SLC9A9: variants seen among roughly 807,000 people sequenced by gnomAD.
SLC9A9 encodes solute carrier family 9 member A9.
Under a neutral mutation model 77.8 loss-of-function variants are expected in SLC9A9, and 62 were observed. The observed-to-expected ratio is 0.80, with a 90% CI of 0.65 to 0.98. The LOEUF is 0.98. Among genes scored for constraint, SLC9A9 ranks in the 50% least tolerant of loss-of-function variants. The pLI is 0.00. For synonymous variants in SLC9A9, 320 were observed against 283.5 expected, an observed-to-expected ratio of 1.13 and a Z score of -1.29; for missense variants, 775 against 774.9, an observed-to-expected ratio of 1.00 and a Z score of 0.00.
intron 14 of SLC9A9, among the ~76,000 whole-genome samples, chr3:143,305,648 A>G (rs117794811): frequency 5.5e-4 from 84 of 152,338 alleles, no homozygotes; most frequent in East Asian, 3.9e-3. Context: ...CACAAATACT[A>G]TCATGTGGAA....
chr3:143,531,263 C>T (rs2036506119), intron 9 of SLC9A9, among the ~76,000 whole-genome samples: 1 of 152,142 alleles, frequency 6.6e-6, no homozygotes, highest in African/African-American at 2.4e-5. Flanking sequence ...TCAAATGCTC[C>T]CCTGGCAAGG....
chr3:143,531,924 A>G (rs1309465699), intron 9 of SLC9A9, among the ~76,000 whole-genome samples: 1 of 152,174 alleles, frequency 6.6e-6, no homozygotes, highest in Non-Finnish European at 1.5e-5. Context: ...TTCTCATTCT[A>G]TCCTGAGGAT....
intron 14 of SLC9A9, among the ~76,000 whole-genome samples, chr3:143,326,912 G>A (rs1187113615): frequency 6.6e-6 from 1 of 152,138 alleles, no homozygotes; most frequent in Non-Finnish European, 1.5e-5. Flanking sequence ...ATGGTCACTG[G>A]AGTCTATTAG....
At chr3:143,560,832 C>T (rs976228837) in intron 8 of SLC9A9, among the ~76,000 whole-genome samples, 1 of 151,984 alleles carries the variant, frequency 6.6e-6, no homozygotes, top group Non-Finnish European at 1.5e-5. Flanking sequence ...AACAAAAAAG[C>T]ATAGGCTAAA....
At chr3:143,704,261 GACACATCAAAAAAAGAAA>G (rs1933891482) in intron 4 of SLC9A9, among the ~76,000 whole-genome samples, 1 of 151,962 alleles carries the variant, frequency 6.6e-6, no homozygotes. Flanking sequence ...ACCAGACAAC[GACACATCAAAAAAAGAAA>G]ACTGCAGATC....
At chr3:143,356,883 C>A (rs1306069002) in intron 14 of SLC9A9, among the ~76,000 whole-genome samples, 1 of 152,156 alleles carries the variant, frequency 6.6e-6, no homozygotes, top group Non-Finnish European at 1.5e-5. Flanking sequence ...GATTTGTCTA[C>A]AGCAGCACCT....
chr3:143,312,367 G>C lies in SLC9A9; in HGVS notation c.1605-43387C>G, dbSNP rs112836467. ...GGCCTTGCTATTAATGCAAGCATGAGCACTTATATGGAAAGAGCTTGGTCT... is the reference window on the plus strand; with the variant it reads ...GGCCTTGCTATTAATGCAAGCATGACCACTTATATGGAAAGAGCTTGGTCT... On this transcript the variant is annotated intron_variant, in intron 14 of 15. Coordinates refer to ENST00000316549, the MANE Select transcript of SLC9A9 (RefSeq NM_173653.4). 2.8e-3 allele frequency among the ~76,000 whole-genome samples: 419 copies of C among 152,332 alleles called. 3 individuals carry two copies. Among genetic ancestry groups the C allele is most frequent in the African/African-American group, 9.6e-3 (401 of 41,584 alleles).
intron 9 of SLC9A9, among the ~76,000 whole-genome samples, chr3:143,540,403 C>T (rs1289124076): frequency 6.6e-6 from 1 of 152,080 alleles, no homozygotes. Context: ...TATTAAGGCC[C>T]TCTCAGGGTT....
chr3:143,692,238 T>C (rs956063), intron 5 of SLC9A9, among the ~76,000 whole-genome samples: 65,576 of 151,928 alleles, frequency 0.43, 14,332 homozygotes, highest in South Asian at 0.6. Flanking sequence ...CCAATAATCA[T>C]ATCAATCCAT....
At chr3:143,390,674 A>C (rs2033540257) in intron 12 of SLC9A9, among the ~76,000 whole-genome samples, 1 of 152,208 alleles carries the variant, frequency 6.6e-6, no homozygotes, top group African/African-American at 2.4e-5. Flanking sequence ...CGGGAAGTGC[A>C]AGGGGTCAGA....
chr3:143,633,687 T>C (rs2038465404), intron 6 of SLC9A9, among the ~76,000 whole-genome samples: 3 of 152,208 alleles, frequency 2.0e-5, no homozygotes, highest in Non-Finnish European at 4.4e-5. Context: ...GGCAAAAAGA[T>C]TCTTGAAAAC....
intron 6 of SLC9A9, among the ~76,000 whole-genome samples, chr3:143,646,350 A>G (rs1352312591): frequency 2.0e-5 from 3 of 148,224 alleles, no homozygotes; most frequent in African/African-American, 7.3e-5. Flanking sequence ...AATGTATGTT[A>G]GTATATATAA....
rs1937681891 is a variant in SLC9A9 at position 143,265,529 on chromosome 3, A to G, written c.*1173T>C. ...AAAGCAGACTCATCATAGCCTGGGC[A>G]CCTAGGCCTGGAGCCTATTTTTTCG... On this transcript the variant is annotated 3_prime_UTR_variant, in exon 16 of 16. Transcript: ENST00000316549. 5.1e-6 allele frequency: 1 copy of G among 195,170 alleles called. No individual in the cohort carries two copies. Among genetic ancestry groups the G allele is most frequent in the African/African-American group, 2.3e-5 (1 of 43,152 alleles). The allele number at this position is 195,170 out of a possible 1,614,324, so 12.1% of individuals were successfully genotyped here.
At chr3:143,414,701 T>C (rs181370535) in intron 12 of SLC9A9, among the ~76,000 whole-genome samples, 7 of 152,290 alleles carry the variant, frequency 4.6e-5, no homozygotes, top group Non-Finnish European at 8.8e-5. Context: ...TCTCTCTCTC[T>C]CCTCAGGCCA....
At chr3:143,321,915 C>A (rs1421060080) in intron 14 of SLC9A9, among the ~76,000 whole-genome samples, 1 of 152,160 alleles carries the variant, frequency 6.6e-6, no homozygotes, top group African/African-American at 2.4e-5. Context: ...ATCCACACAA[C>A]ATCTGGATGA....
At chr3:143,474,508 T>C (rs924447626) in intron 11 of SLC9A9, among the ~76,000 whole-genome samples, 8 of 151,954 alleles carry the variant, frequency 5.3e-5, no homozygotes, top group African/African-American at 1.9e-4. Flanking sequence ...GCTGAATGTA[T>C]GTCAAAGGTT....
At chr3:143,637,905 C>T (rs901450179) in intron 6 of SLC9A9, among the ~76,000 whole-genome samples, 11 of 152,106 alleles carry the variant, frequency 7.2e-5, no homozygotes, top group African/African-American at 2.7e-4. Context: ...AAAGTTTTTC[C>T]ATGAAAACTT....
At chr3:143,547,571 C>A (rs536012159) in intron 9 of SLC9A9, among the ~76,000 whole-genome samples, 1 of 152,352 alleles carries the variant, frequency 6.6e-6, no homozygotes, top group Admixed American at 6.5e-5. Context: ...CCTGTCTCTT[C>A]TCACTGCTCT....
intron 4 of SLC9A9, among the ~76,000 whole-genome samples, chr3:143,727,268 T>C (rs1667556975): frequency 6.6e-6 from 1 of 152,086 alleles, no homozygotes; most frequent in Non-Finnish European, 1.5e-5. Flanking sequence ...CTAATCAAAG[T>C]AGTGCAAATA....
Sources: gnomAD v4.1 joint callset for allele counts (sites outside exome capture counted in the v4.1 genomes callset) on GRCh38, gnomAD v4.1.1 for gene constraint, MANE v1.5 for transcripts, NCBI Gene and HGNC (gene_info 2026-07-23, HGNC 2026-07-21) for gene names.